ZNF71: variants seen among roughly 807,000 people sequenced by gnomAD.
ZNF71 encodes the protein endothelial zinc finger protein induced by tumor necrosis factor alpha.
In ZNF71, 3 loss-of-function variants were observed where a neutral mutation model predicts 6.7. The ratio of observed to expected loss-of-function variants is 0.45; its 90% CI spans 0.20 to 1.16. ZNF71 has a LOEUF of 1.16. ZNF71 is among the 50% of genes most tolerant of loss of function. ZNF71 has a pLI of 0.25. For missense variants in ZNF71, 688 were observed against 728.6 expected, an observed-to-expected ratio of 0.94 and a Z score of 0.64; for synonymous variants, 343 against 311.1, an observed-to-expected ratio of 1.10 and a Z score of -1.08.
Position 56,622,244 on chromosome 19 carries a change from C to T in ZNF71, c.1137C>T (p.Asn379=). The change falls in exon 4 of 4, where the codon AAC becomes AAT. Residue 379 remains asparagine, a synonymous_variant. Transcript: ENST00000599599. ...CCTCGCTCACCCTGCACCAGAGGAA[C>T]CACACCGGCGAGAAGCCCTACGTGT... ...KSSSLTLHQR[N]HTGEKPYVCG... 1 of 1,607,432 alleles carries T rather than the reference C, an allele frequency of 6.2e-7. No homozygotes were observed. Among genetic ancestry groups the T allele is most frequent in the Non-Finnish European group, 8.5e-7 (1 of 1,174,926 alleles).
Position 56,621,908 on chromosome 19 carries a change from G to A in ZNF71, c.801G>A (p.Thr267=), listed in dbSNP as rs747393285. The change falls in exon 4 of 4, where the codon ACG becomes ACA. Residue 267 remains threonine, a synonymous_variant. Transcript: ENST00000599599. ...QRMNLTVHQR[T]HTGEKPYVCD... is the part of the protein sequence containing the mutation. The stretch of plus-strand genomic sequence containing the variant: ...TGAACCTCACTGTGCACCAGCGCAC[G>A]CACACGGGCGAGAAGCCGTATGTGT... 1.2e-6 allele frequency: 2 copies of A among 1,612,490 alleles called. No individual in the cohort carries two copies. Among genetic ancestry groups the A allele is most frequent in the Non-Finnish European group, 1.7e-6 (2 of 1,179,630 alleles).
rs570006360 is a variant in ZNF71 at position 56,623,918 on chromosome 19, T to A, written c.*1161T>A. 12 of 167,230 alleles carry A rather than the reference T, an allele frequency of 7.2e-5. No homozygotes were observed. The highest frequency in any genetic ancestry group is 5.9e-4 in the Admixed American group (9 of 15,314). 10.4% of individuals were successfully genotyped at this position (167,230 alleles called of 1,614,324 possible). A position where few individuals can be genotyped will look rare whatever the true frequency, so the allele number is the denominator to read the frequency against. The stretch of plus-strand genomic sequence containing the variant: ...TCCCAAAGGTCCTCCCTCTTCATAC[T>A]GTTACATTGGGGATCAAGTTTCCAA... On this transcript the variant is annotated 3_prime_UTR_variant, in exon 4 of 4. Coordinates refer to ENST00000599599, the MANE Select transcript of ZNF71 (RefSeq NM_001370215.1).
At position 56,621,779 on chromosome 19, in the gene ZNF71, G is replaced by A. The variant is rs368612978; in HGVS notation, c.672G>A (p.Gly224=). The A allele has an allele frequency of 4.0e-5, 64 of 1,613,850 alleles. No individual in the cohort carries two copies. The highest frequency in any genetic ancestry group is 5.3e-5 in the Non-Finnish European group (63 of 1,180,024). ...AGCCGTTTGAGTGTGACACCTGTGG[G>A]AAGCACTTCATCGAGCGCTCGTCCC... ...GEKPFECDTC[G]KHFIERSSLT... is the part of the protein sequence containing the mutation. The change falls in exon 4 of 4, where the codon GGG becomes GGA. Residue 224 remains glycine (G), a synonymous_variant. Transcript: ENST00000599599.
rs183594016 is a variant in ZNF71, at chr19:56,623,988, G to A, written c.*1231G>A. The A allele has an allele frequency of 5.4e-5, 9 of 167,188 alleles. No homozygotes were observed. The highest frequency in any genetic ancestry group is 1.9e-4 in the African/African-American group (8 of 41,552). 10.4% of individuals were successfully genotyped at this position (167,188 alleles called of 1,614,324 possible). On this transcript the variant is annotated 3_prime_UTR_variant, in exon 4 of 4. Coordinates refer to ENST00000599599, the MANE Select transcript of ZNF71 (RefSeq NM_001370215.1). Reference sequence around the variant, plus strand: ...ACCAACAGACCATATCAGTAACTTCGAGTGAGTTTCCTAAGGCCGACTGAA... The same window carrying A: ...ACCAACAGACCATATCAGTAACTTCAAGTGAGTTTCCTAAGGCCGACTGAA...
At chr19:56,616,515 A>T (rs1242802716) in intron 3 of ZNF71, among the ~76,000 whole-genome samples, 1 of 152,196 alleles carries the variant, frequency 6.6e-6, no homozygotes, top group Non-Finnish European at 1.5e-5. Context: ...CATGAATGAC[A>T]AGGTTTTACA....
chr19:56,618,601 G>A lies in ZNF71; in HGVS notation c.161-2667G>A, dbSNP rs148692002. 3.9e-3 allele frequency among the ~76,000 whole-genome samples: 596 copies of A among 152,292 alleles called. 4 individuals are homozygous for A. Among genetic ancestry groups the A allele is most frequent in the African/African-American group, 0.013 (560 of 41,568 alleles). On this transcript the variant is annotated intron_variant, in intron 3 of 3. Transcript: ENST00000599599. The surrounding 1 kb of genome is among the most constrained non-coding windows in gnomAD (Gnocchi z 4.6). ...GGGCAGGAGGACCTTCCTTCCTTAC[G>A]TAGGGTGGATTGGGAAGGCTCCCGT...
intron 3 of ZNF71, among the ~76,000 whole-genome samples, chr19:56,619,673 GT>G (rs2044827758): frequency 6.6e-6 from 1 of 152,150 alleles, no homozygotes; most frequent in African/African-American, 2.4e-5. Flanking sequence ...GGCTTTGAAG[GT>G]CCAGTGTGAT....
intron 2 of ZNF71, among the ~76,000 whole-genome samples, chr19:56,606,257 G>A (rs758266641): frequency 3.9e-5 from 6 of 152,088 alleles, no homozygotes; most frequent in East Asian, 1.9e-4. Context: ...ATAAATATTC[G>A]TCAAATGAAT....
rs2044884606 is a variant in ZNF71 at position 56,623,674 on chromosome 19, C to A, written c.*917C>A. The A allele has an allele frequency of 6.0e-6, 1 of 167,092 alleles. No individual in the cohort carries two copies. Among genetic ancestry groups the A allele is most frequent in the Non-Finnish European group, 1.5e-5 (1 of 68,136 alleles). The allele number at this position is 167,092 out of a possible 1,614,324, so 10.4% of individuals were successfully genotyped here. A position where few individuals can be genotyped will look rare whatever the true frequency, so the allele number is the denominator to read the frequency against. On this transcript the variant is annotated 3_prime_UTR_variant, in exon 4 of 4. Transcript: ENST00000599599. ...TGCTGCTGTAACAAAAGACCTTAGA[C>A]TGGGTAATTTATAAACAATAGAAAT...
chr19:56,622,249 C>T lies in ZNF71; in HGVS notation c.1142C>T (p.Thr381Ile), dbSNP rs1393184928. Residue 381 changes from threonine to isoleucine, a missense_variant, in exon 4 of 4, where the codon ACC becomes ATC. Physicochemically the swap from Thr to Ile is moderately conservative, Grantham distance 89. Coordinates refer to ENST00000599599, the MANE Select transcript of ZNF71 (RefSeq NM_001370215.1). ...CTCACCCTGCACCAGAGGAACCACA[C>T]CGGCGAGAAGCCCTACGTGTGCGGC... ...SSLTLHQRNHTGEKPYVCGEC... is the reference protein window; with the variant it reads ...SSLTLHQRNHIGEKPYVCGEC... The T allele has an allele frequency of 6.2e-7, 1 of 1,608,978 alleles. No homozygotes were observed. Among genetic ancestry groups the T allele is most frequent in the South Asian group, 1.1e-5 (1 of 91,044 alleles).
At chr19:56,620,008 A>G (rs952640269) in intron 3 of ZNF71, among the ~76,000 whole-genome samples, 2 of 152,212 alleles carry the variant, frequency 1.3e-5, no homozygotes, top group Non-Finnish European at 2.9e-5. Flanking sequence ...GAGCAGAGAA[A>G]GAGGGTCTGA....
At chr19:56,596,737 G>C (rs2044628312) in intron 1 of ZNF71, among the ~76,000 whole-genome samples, 1 of 152,150 alleles carries the variant, frequency 6.6e-6, no homozygotes, top group African/African-American at 2.4e-5. Flanking sequence ...CTCAGACTAA[G>C]TGACTCACCC....
At position 56,622,493 on chromosome 19, in the gene ZNF71, C is replaced by A. The variant is rs145594416; in HGVS notation, c.1386C>A (p.Ile462=). The A allele has an allele frequency of 1.9e-6, 3 of 1,598,224 alleles. No homozygotes were observed. The highest frequency in any genetic ancestry group is 2.6e-6 in the Non-Finnish European group (3 of 1,173,452). The change falls in exon 4 of 4, where the codon ATC becomes ATA. Residue 462 remains isoleucine, a synonymous_variant. Coordinates refer to ENST00000599599, the MANE Select transcript of ZNF71 (RefSeq NM_001370215.1). ...TGRSSLIVHQ[I]VHTGEKPYVC... ...GCTCGTCCCTCATCGTGCACCAGAT[C>A]GTGCACACCGGGGAGAAGCCCTACG...
intron 2 of ZNF71, among the ~76,000 whole-genome samples, chr19:56,607,693 AAAAC>A (rs36163786): frequency 0.28 from 42,093 of 151,972 alleles, 7,397 homozygotes; most frequent in Non-Finnish European, 0.39. Flanking sequence ...TGTCTTTCAA[AAAAC>A]AAACAAACAA....
rs931349188 is a variant in ZNF71, at chr19:56,613,333, T to C, written c.34-479T>C. On this transcript the variant is annotated intron_variant, in intron 2 of 3. Transcript: ENST00000599599. This position sits in a 1 kb window ranked among gnomAD's most constrained non-coding sequence, Gnocchi z 4.6. ...CCTTTGTTCATACCTTCATGATTGA[T>C]TGCGTTTACCAAATTACGTGTCTTT... 1.3e-5 allele frequency among the ~76,000 whole-genome samples: 2 copies of C among 152,242 alleles called. No homozygotes were observed. Among genetic ancestry groups the C allele is most frequent in the Non-Finnish European group, 2.9e-5 (2 of 68,034 alleles).
chr19:56,601,728 C>A, intron 2 of ZNF71, 137 bp downstream of exon 2: 1 of 522,674 alleles, frequency 1.9e-6, no homozygotes, highest in Non-Finnish European at 2.5e-6. Context: ...GAGGGCTGTG[C>A]TTATAGATGA....
In ZNF71 at chr19:56,621,795, C is replaced by G; in HGVS notation, c.688C>G (p.Arg230Gly). 1 of 1,613,842 alleles carries G rather than the reference C, an allele frequency of 6.2e-7. No individual in the cohort carries two copies. The highest frequency in any genetic ancestry group is 8.5e-7 in the Non-Finnish European group (1 of 1,179,932). Residue 230 changes from arginine (R) to glycine (G), a missense_variant, in exon 4 of 4, where the codon CGC (arginine) becomes GGC (glycine). Physicochemically the swap from Arg to Gly is moderately radical, Grantham distance 125 (BLOSUM62 -2). Coordinates refer to ENST00000599599, the MANE Select transcript of ZNF71 (RefSeq NM_001370215.1). ...CACCTGTGGGAAGCACTTCATCGAG[C>G]GCTCGTCCCTCACCATCCACCAGCG... ...CDTCGKHFIE[R>G]SSLTIHQRVH...
At chr19:56,599,711 T>G (rs189817066) in intron 1 of ZNF71, among the ~76,000 whole-genome samples, 4 of 146,722 alleles carry the variant, frequency 2.7e-5, no homozygotes, top group African/African-American at 1.0e-4. Flanking sequence ...TTTTTTTTTT[T>G]GAGATGGAGT....
At chr19:56,595,776 GTA>G (rs1298570673) in intron 1 of ZNF71, among the ~76,000 whole-genome samples, 1 of 151,932 alleles carries the variant, frequency 6.6e-6, no homozygotes, top group African/African-American at 2.4e-5. Flanking sequence ...GTGTGGGTCT[GTA>G]TGTGTGTGTG....
Sources: gnomAD v4.1 joint callset for allele counts (sites outside exome capture counted in the v4.1 genomes callset) on GRCh38, gnomAD v4.1.1 for gene constraint, Gnocchi (gnomAD v3.1) non-coding constraint, MANE v1.5 for transcripts, NCBI Gene and HGNC (gene_info 2026-07-23, HGNC 2026-07-21) for gene names.